EEF1E1: variants seen among roughly 807,000 people sequenced by gnomAD.
EEF1E1 encodes eukaryotic translation elongation factor 1 epsilon-1.
In EEF1E1, 19 loss-of-function variants were observed where a neutral mutation model predicts 19.9. That is an observed-to-expected ratio of 0.95 (90% confidence interval 0.66 to 1.40). EEF1E1 has a LOEUF of 1.40. EEF1E1 is among the 40% of genes most tolerant of loss of function. The probability of loss-of-function intolerance (pLI) is 0.00; values close to 1 mark genes in which losing one functional copy is unlikely to be tolerated. For missense variants in EEF1E1, 198 were observed against 202.2 expected, an observed-to-expected ratio of 0.98 and a Z score of 0.13; for synonymous variants, 81 against 80.0, an observed-to-expected ratio of 1.01 and a Z score of -0.07.
Position 8,090,238 on chromosome 6 carries a change from T to C in EEF1E1, c.332A>G (p.Tyr111Cys), listed in dbSNP as rs1757979313. Residue 111 changes from tyrosine to cysteine, a missense_variant, in exon 3 of 4, where the codon TAT (tyrosine) becomes TGT (cysteine). Physicochemically the swap from Tyr to Cys is radical, Grantham distance 194. Transcript: ENST00000379715. Reference sequence around the variant, plus strand: ...TAGTATATCTGCTAATGTAAAGTTATACCCTGTAAGGTAGACTTTATCTTC... The same window carrying C: ...TAGTATATCTGCTAATGTAAAGTTACACCCTGTAAGGTAGACTTTATCTTC... ...YLEDKVYLTG[Y>C]NFTLADILLY... 4 of 1,517,830 alleles carry C rather than the reference T, an allele frequency of 2.6e-6. No homozygotes were observed. Among genetic ancestry groups the C allele is most frequent in the African/African-American group, 2.9e-5 (2 of 69,332 alleles). 94.0% of individuals were successfully genotyped at this position (1,517,830 alleles called of 1,614,324 possible). A position where few individuals can be genotyped will look rare whatever the true frequency, so the allele number is the denominator to read the frequency against.
chr6:8,099,932 T>C (rs569716817), intron 1 of EEF1E1, among the ~76,000 whole-genome samples: 5 of 151,102 alleles, frequency 3.3e-5, no homozygotes, highest in African/African-American at 1.2e-4. Context: ...AGAATCAATA[T>C]CCTAGATAAG....
chr6:8,094,672 GT>G (rs574416024), intron 2 of EEF1E1, among the ~76,000 whole-genome samples: 9 of 152,082 alleles, frequency 5.9e-5, no homozygotes, highest in Non-Finnish European at 7.4e-5. Flanking sequence ...TTAAATTGTG[GT>G]ACAATTACAG....
chr6:8,095,239 G>A (rs764789719), intron 2 of EEF1E1: 62 of 241,776 alleles, frequency 2.6e-4, no homozygotes, highest in Admixed American at 7.5e-4. Context: ...GGTGACTCAC[G>A]CCAGTAATCC....
At chr6:8,098,853 C>T (rs973793156) in intron 1 of EEF1E1, among the ~76,000 whole-genome samples, 29 of 152,304 alleles carry the variant, frequency 1.9e-4, no homozygotes, top group African/African-American at 7.0e-4. Context: ...GCGGAGGGGA[C>T]ACAACCAACT....
intron 1 of EEF1E1, among the ~76,000 whole-genome samples, chr6:8,099,791 C>CACACACACACA (rs768224090): frequency 2.6e-5 from 3 of 114,628 alleles, no homozygotes; most frequent in African/African-American, 1.0e-4. Flanking sequence ...CACACACACA[C>CACACACACACA]AAAAAAAAAA....
chr6:8,080,050 A>G lies in EEF1E1; in HGVS notation c.385-20T>C. The stretch of plus-strand genomic sequence containing the variant: ...GTCAACCTAAGTAGAGATTAAAAAC[A>G]TACACACACAACACAGATGTTACAT... On this transcript the variant is annotated intron_variant, in intron 3 of 3. Coordinates refer to ENST00000379715, the MANE Select transcript of EEF1E1 (RefSeq NM_004280.5). 3.1e-6 allele frequency: 5 copies of G among 1,611,782 alleles called. No individual in the cohort carries two copies. Among genetic ancestry groups the G allele is most frequent in the South Asian group, 1.1e-5 (1 of 91,018 alleles).
At position 8,098,266 on chromosome 6, in the gene EEF1E1, C is replaced by T. The variant is rs187631039; in HGVS notation, c.88-799G>A. On this transcript the variant is annotated intron_variant, in intron 1 of 3. Coordinates refer to ENST00000379715, the MANE Select transcript of EEF1E1 (RefSeq NM_004280.5). The stretch of plus-strand genomic sequence containing the variant: ...TCCCAAGTATCTGGGACTACAGGCA[C>T]GTGCCACCACACCCGGAAGTTTTTT... 6.0e-4 allele frequency among the ~76,000 whole-genome samples: 92 copies of T among 152,104 alleles called. 1 individual carries two copies. In the South Asian group the frequency reaches 7.9e-3, roughly 13 times the overall value.
intron 1 of EEF1E1, chr6:8,101,960 C>T (rs1758378372): frequency 6.4e-6 from 8 of 1,251,012 alleles, no homozygotes; most frequent in Non-Finnish European, 8.3e-6. Context: ...AAGCAAGCTG[C>T]CTGAGAGGAG....
intron 3 of EEF1E1, among the ~76,000 whole-genome samples, chr6:8,088,247 A>G (rs1757918213): frequency 6.6e-6 from 1 of 152,206 alleles, no homozygotes; most frequent in Non-Finnish European, 1.5e-5. Flanking sequence ...GGTAGTGGAC[A>G]AGATTGAAGG....
intron 3 of EEF1E1, among the ~76,000 whole-genome samples, chr6:8,082,697 G>A (rs1057262014): frequency 1.3e-5 from 2 of 152,132 alleles, no homozygotes; most frequent in Non-Finnish European, 1.5e-5. Context: ...AACTCACAGA[G>A]TTTTTCAAAA....
Position 8,097,327 on chromosome 6 carries a change from T to A in EEF1E1, c.228A>T (p.Glu76Asp). ...GCCCATCTACTTGAGTGACCCTGTATTCTAACCACTGCTGAACGATTGCTT... is the reference window on the plus strand; with the variant it reads ...GCCCATCTACTTGAGTGACCCTGTAATCTAACCACTGCTGAACGATTGCTT... ...EEKAIVQQWL[E>D]YRVTQVDGHS... Residue 76 changes from glutamate (E) to aspartate (D), a missense_variant, in exon 2 of 4, where the codon GAA (glutamate) becomes GAT (aspartate). Transcript: ENST00000379715. The A allele has an allele frequency of 6.2e-7, 1 of 1,614,210 alleles. No individual in the cohort carries two copies. Among genetic ancestry groups the A allele is most frequent in the Non-Finnish European group, 8.5e-7 (1 of 1,180,038 alleles).
rs117606395 is a variant in EEF1E1 at position 8,097,105 on chromosome 6, G to A, written c.288+162C>T. On this transcript the variant is annotated intron_variant, in intron 2 of 3. Coordinates refer to ENST00000379715, the MANE Select transcript of EEF1E1 (RefSeq NM_004280.5). ...AGCATATCTTGGAGGGGCTGGTGGG[G>A]GGAACAGAGTCTGTTCCAGGCAGAG... 5.0e-3 allele frequency among the ~76,000 whole-genome samples: 754 copies of A among 152,238 alleles called. 28 individuals carry two copies. In the East Asian group the frequency reaches 0.069, roughly 14 times the overall value.
intron 3 of EEF1E1, among the ~76,000 whole-genome samples, chr6:8,089,186 A>G (rs1757948751): frequency 1.3e-5 from 2 of 152,184 alleles, no homozygotes; most frequent in Admixed American, 1.3e-4. Flanking sequence ...CTGAAGTTAC[A>G]CAAAAGGGGG....
intron 3 of EEF1E1, among the ~76,000 whole-genome samples, chr6:8,080,629 A>C (rs2113636325): frequency 6.6e-6 from 1 of 152,292 alleles, no homozygotes; most frequent in Middle Eastern, 3.4e-3. Flanking sequence ...ACGTGATACA[A>C]ACTGCAGGTG....
intron 2 of EEF1E1, among the ~76,000 whole-genome samples, chr6:8,093,002 G>A (rs1367627816): frequency 2.0e-5 from 3 of 150,816 alleles, no homozygotes; most frequent in Non-Finnish European, 2.9e-5. Flanking sequence ...AGCCTCCTGA[G>A]TAGCTGGGAC....
intron 3 of EEF1E1, among the ~76,000 whole-genome samples, chr6:8,083,777 C>T (rs1256357619): frequency 6.6e-6 from 1 of 152,158 alleles, no homozygotes; most frequent in African/African-American, 2.4e-5. Context: ...TGCACGAGGA[C>T]AAAAATAAAT....
At chr6:8,084,661 C>G (rs1469565506) in intron 3 of EEF1E1, among the ~76,000 whole-genome samples, 1 of 152,150 alleles carries the variant, frequency 6.6e-6, no homozygotes, top group Non-Finnish European at 1.5e-5. Flanking sequence ...TGATATTTTT[C>G]CTAATATAAA....
At chr6:8,101,500 C>G (rs772534429) in intron 1 of EEF1E1, among the ~76,000 whole-genome samples, 3 of 151,550 alleles carry the variant, frequency 2.0e-5, no homozygotes, top group Non-Finnish European at 4.4e-5. Context: ...AGGCTGAACA[C>G]TTAACCTTTC....
At chr6:8,086,884 G>A (rs1381384642) in intron 3 of EEF1E1, among the ~76,000 whole-genome samples, 2 of 152,182 alleles carry the variant, frequency 1.3e-5, no homozygotes, top group African/African-American at 4.8e-5. Context: ...CAATCATTGA[G>A]TCAAACAGCT....
Sources: allele counts gnomAD v4.1 joint callset (sites outside exome capture counted in the v4.1 genomes callset), GRCh38; gene constraint gnomAD v4.1.1; transcripts MANE v1.5; gene names NCBI Gene and HGNC (gene_info 2026-07-23, HGNC 2026-07-21).